ADGRL2: variants seen among roughly 807,000 people sequenced by gnomAD.
ADGRL2 encodes adhesion G protein-coupled receptor L2, also known as calcium-independent alpha-latrotoxin receptor 2.
ADGRL2 carries 44 observed loss-of-function variants against 157.4 expected under a neutral mutation model. The ratio of observed to expected loss-of-function variants is 0.28; its 90% CI spans 0.22 to 0.36. The LOEUF (loss-of-function observed/expected upper bound fraction) is 0.36, where lower values mean the gene tolerates loss of function less well. Among genes scored for constraint, ADGRL2 ranks in the 10% least tolerant of loss-of-function variants. ADGRL2 has a pLI of 1.00. For synonymous variants in ADGRL2, 585 were observed against 624.7 expected, an observed-to-expected ratio of 0.94 and a Z score of 0.95; for missense variants, 1,510 against 1,768.9, an observed-to-expected ratio of 0.85 and a Z score of 2.63.
At chr1:81,447,298 G>A (rs1309510221) in intron 2 of ADGRL2, among the ~76,000 whole-genome samples, 1 of 152,088 alleles carries the variant, frequency 6.6e-6, no homozygotes, top group African/African-American at 2.4e-5. Context: ...TGACAGCAAG[G>A]CAAGTAACAG....
Position 81,943,311 on chromosome 1 carries a change from A to G in ADGRL2, c.752A>G (p.Tyr251Cys). 1.2e-6 allele frequency: 2 copies of G among 1,613,616 alleles called. No individual in the cohort carries two copies. The highest frequency in any genetic ancestry group is 2.2e-5 in the East Asian group (1 of 44,852). The change falls in exon 6 of 24, where the codon TAT (tyrosine) becomes TGT (cysteine). Residue 251 changes from tyrosine to cysteine, a missense_variant. Physicochemically the swap from Tyr to Cys is radical, Grantham distance 194. Coordinates refer to ENST00000686636, the MANE Select transcript of ADGRL2 (RefSeq NM_001366006.2). This position sits in a 1 kb window ranked among gnomAD's most constrained non-coding sequence, Gnocchi z 5.6. The stretch of plus-strand genomic sequence containing the variant: ...AAGAGTGGCGAGGCCATAATTAACT[A>G]TGCCAACTACCATGATACCTCACCA... ...RIKSGEAIIN[Y>C]ANYHDTSPYR...
intron 2 of ADGRL2, among the ~76,000 whole-genome samples, chr1:81,475,418 C>T (rs911018928): frequency 1.3e-5 from 2 of 152,162 alleles, no homozygotes; most frequent in African/African-American, 4.8e-5. Context: ...AAGGTATCTA[C>T]TAGCCTTTAG....
chr1:81,785,745 A>G (rs767366803), intron 2 of ADGRL2, among the ~76,000 whole-genome samples: 2 of 151,992 alleles, frequency 1.3e-5, no homozygotes, highest in Non-Finnish European at 2.9e-5. Flanking sequence ...ACGACAACAA[A>G]AAATCCTTCC....
At chr1:81,381,014 A>G (rs2076335050) in intron 1 of ADGRL2, among the ~76,000 whole-genome samples, 1 of 152,098 alleles carries the variant, frequency 6.6e-6, no homozygotes, top group South Asian at 2.1e-4. Flanking sequence ...ATAGACCTCA[A>G]TAAAATTTTA....
intron 2 of ADGRL2, among the ~76,000 whole-genome samples, chr1:81,882,071 T>A (rs1348442517): frequency 6.6e-6 from 1 of 152,188 alleles, no homozygotes; most frequent in Non-Finnish European, 1.5e-5. Flanking sequence ...ATTTGTACAA[T>A]TTGTTTCTTG....
chr1:81,424,344 A>T (rs182600623), intron 1 of ADGRL2, among the ~76,000 whole-genome samples: 22 of 152,356 alleles, frequency 1.4e-4, no homozygotes, highest in Non-Finnish European at 1.0e-4. Flanking sequence ...GTTCGTCTGT[A>T]AAACAACATT....
At chr1:81,860,242 C>CA (rs971328744) in intron 2 of ADGRL2, among the ~76,000 whole-genome samples, 8 of 151,270 alleles carry the variant, frequency 5.3e-5, no homozygotes, top group Admixed American at 2.6e-4. Context: ...CAAAACAAAA[C>CA]AAAAAAACAC....
Position 81,969,368 on chromosome 1 carries a change from T to C in ADGRL2, c.2714T>C (p.Ile905Thr), listed in dbSNP as rs770742407. The C allele has an allele frequency of 1.2e-6, 2 of 1,613,282 alleles. No homozygotes were observed. Among genetic ancestry groups the C allele is most frequent in the Non-Finnish European group, 1.7e-6 (2 of 1,179,310 alleles). ...FIAEFIFLIGIDKTKYAIACP... is the reference protein window; with the variant it reads ...FIAEFIFLIGTDKTKYAIACP... ...GCTGAATTTATTTTCCTAATAGGCA[T>C]TGATAAGACAAAATATGCGGTAAGC... Residue 905 changes from isoleucine (I) to threonine (T), a missense_variant, in exon 15 of 24, where the codon ATT (isoleucine) becomes ACT (threonine). This residue lies in a region of ADGRL2 where 497 missense variants were observed against 627.2 expected (regional missense o/e 0.79). Transcript: ENST00000686636.
At chr1:81,618,904 G>A (rs1371546280) in intron 3 of ADGRL2, among the ~76,000 whole-genome samples, 7 of 150,998 alleles carry the variant, frequency 4.6e-5, no homozygotes. Flanking sequence ...TGTCTAGGTT[G>A]AGTTCTGAAT....
chr1:81,316,875 C>T (rs1217747250), intron 1 of ADGRL2, among the ~76,000 whole-genome samples: 2 of 152,152 alleles, frequency 1.3e-5, no homozygotes, highest in Admixed American at 6.5e-5. Context: ...CATTAAAAAG[C>T]ATATATGACT....
chr1:81,653,383 T>C (rs2082463357), intron 3 of ADGRL2, among the ~76,000 whole-genome samples: 1 of 151,978 alleles, frequency 6.6e-6, no homozygotes, highest in Non-Finnish European at 1.5e-5. Flanking sequence ...GAGACCTTTG[T>C]GCATACAAGC....
chr1:81,406,624 A>C (rs1557665341), intron 1 of ADGRL2, among the ~76,000 whole-genome samples: 1 of 152,198 alleles, frequency 6.6e-6, no homozygotes, highest in Non-Finnish European at 1.5e-5. Context: ...TCAAGTTTTG[A>C]ATACAATGCA....
intron 3 of ADGRL2, among the ~76,000 whole-genome samples, chr1:81,657,264 A>C (rs1428614455): frequency 2.0e-5 from 3 of 152,156 alleles, no homozygotes; most frequent in Non-Finnish European, 4.4e-5. Context: ...TTGTGCCCTT[A>C]TAAAAGAGGT....
Position 81,413,450 on chromosome 1 carries a change from T to TA in ADGRL2, c.-301-31576dup, listed in dbSNP as rs907038638. On this transcript the variant is annotated intron_variant, in intron 1 of 24. Coordinates refer to the ADGRL2 transcript ENST00000370721. ...ATCGTAAGAAAACATTAATTTCACT[T>TA]AAAAAAAAAAGACATGGAAACTGTA... 6.4e-3 allele frequency among the ~76,000 whole-genome samples: 965 copies of TA among 149,652 alleles called. 9 individuals carry two copies. The highest frequency in any genetic ancestry group is 0.021 in the African/African-American group (860 of 40,910).
At chr1:81,749,275 GA>G (rs1169620809) in intron 1 of ADGRL2, among the ~76,000 whole-genome samples, 1 of 151,702 alleles carries the variant, frequency 6.6e-6, no homozygotes, top group Non-Finnish European at 1.5e-5. Context: ...ACATATGAAA[GA>G]AAAAAAGCAA....
chr1:81,802,683 T>C (rs1351493056), intron 1 of ADGRL2, among the ~76,000 whole-genome samples: 1 of 152,034 alleles, frequency 6.6e-6, no homozygotes, highest in African/African-American at 2.4e-5. Context: ...CTCCGGGCGC[T>C]GGGGCCCGGG....
chr1:81,608,815 C>T (rs2093887), intron 3 of ADGRL2, among the ~76,000 whole-genome samples: 51,446 of 151,978 alleles, frequency 0.34, 8,964 homozygotes, highest in South Asian at 0.4. Context: ...GCCCATTTCT[C>T]TGTTCTATTC....
chr1:81,868,206 C>T (rs1333006197), intron 2 of ADGRL2, among the ~76,000 whole-genome samples: 1 of 152,078 alleles, frequency 6.6e-6, no homozygotes, highest in African/African-American at 2.4e-5. Flanking sequence ...AACAAAACTA[C>T]TCAAAGTTCT....
intron 4 of ADGRL2, 107 bp from the exon 5 acceptor site, chr1:81,941,927 A>G: frequency 3.4e-6 from 2 of 593,216 alleles, no homozygotes; most frequent in Non-Finnish European, 6.1e-6. Flanking sequence ...TCCTATATTT[A>G]GCATCTGTTA....
Sources: gnomAD v4.1 joint callset for allele counts (sites outside exome capture counted in the v4.1 genomes callset) on GRCh38, gnomAD v4.1.1 for gene constraint, gnomAD v4.1.1 regional missense constraint, Gnocchi (gnomAD v3.1) non-coding constraint, MANE v1.5 for transcripts, NCBI Gene and HGNC (gene_info 2026-07-23, HGNC 2026-07-21) for gene names.